MAML3: variants seen among roughly 807,000 people sequenced by gnomAD.
The protein encoded by MAML3 is mastermind like transcriptional coactivator 3.
A neutral mutation model predicts 101.9 loss-of-function variants in MAML3; 27 were observed. That is an observed-to-expected ratio of 0.27 (90% CI 0.20 to 0.37). MAML3 has a LOEUF of 0.37. Ranked by LOEUF, MAML3 falls within the 10% of genes least tolerant of loss-of-function variation. The pLI is 1.00. For synonymous variants in MAML3, 501 were observed against 555.9 expected, an observed-to-expected ratio of 0.90 and a Z score of 1.39; for missense variants, 1,316 against 1,444.9, an observed-to-expected ratio of 0.91 and a Z score of 1.45.
chr4:139,948,518 T>C (rs1733776918), intron 1 of MAML3, among the ~76,000 whole-genome samples: 1 of 152,242 alleles, frequency 6.6e-6, no homozygotes. Flanking sequence ...CACTATTAAC[T>C]ACAGTGCAGA....
At chr4:139,869,295 C>G (rs1731958529) in intron 2 of MAML3, among the ~76,000 whole-genome samples, 1 of 152,192 alleles carries the variant, frequency 6.6e-6, no homozygotes, top group Non-Finnish European at 1.5e-5. Context: ...CTCCAGTTGA[C>G]AAGCAAGCAA....
At chr4:139,730,355 G>A in intron 3 of MAML3, 61 bp downstream of exon 3, 11 of 1,436,420 alleles carry the variant, frequency 7.7e-6, no homozygotes, top group Non-Finnish European at 8.6e-6. Flanking sequence ...ACAGGCAGCA[G>A]GCAGGTGCTG....
At chr4:140,052,714 T>C (rs1334951587) in intron 1 of MAML3, among the ~76,000 whole-genome samples, 2 of 152,024 alleles carry the variant, frequency 1.3e-5, no homozygotes, top group Non-Finnish European at 2.9e-5. Context: ...TTTGTATTTT[T>C]AGTAGAGACA....
chr4:140,113,624 C>CG (rs1728473973), intron 1 of MAML3, among the ~76,000 whole-genome samples: 1 of 152,184 alleles, frequency 6.6e-6, no homozygotes. Flanking sequence ...TATCTTTCAA[C>CG]ATAAAACAGG....
intron 2 of MAML3, among the ~76,000 whole-genome samples, chr4:139,756,792 A>G (rs1185852451): frequency 6.6e-6 from 1 of 152,184 alleles, no homozygotes; most frequent in Non-Finnish European, 1.5e-5. Flanking sequence ...ATTTTCGAGA[A>G]CTAAAGTAAG....
intron 1 of MAML3, among the ~76,000 whole-genome samples, chr4:139,940,275 A>G (rs1178194538): frequency 6.6e-6 from 1 of 152,140 alleles, no homozygotes; most frequent in Non-Finnish European, 1.5e-5. Flanking sequence ...CAGTATTTAT[A>G]TTTATTATAC....
chr4:139,828,732 T>TTTAAAAAA (rs1553959123), intron 2 of MAML3, among the ~76,000 whole-genome samples: 1 of 144,448 alleles, frequency 6.9e-6, no homozygotes, highest in African/African-American at 2.6e-5. Context: ...TTTTTTTTTT[T>TTTAAAAAA]AAAAACATAG....
chr4:140,086,147 C>T (rs1424227654), intron 1 of MAML3, among the ~76,000 whole-genome samples: 1 of 152,192 alleles, frequency 6.6e-6, no homozygotes, highest in Non-Finnish European at 1.5e-5. Context: ...TCTCTCTGTA[C>T]ATATACATAA....
At position 139,943,929 on chromosome 4, in the gene MAML3, G is replaced by A. The variant is rs549532227; in HGVS notation, c.469-52962C>T. Among the ~76,000 whole-genome samples the A allele has an allele frequency of 5.5e-3, 725 of 132,968 alleles. 4 individuals are homozygous for A. Among genetic ancestry groups the A allele is most frequent in the Non-Finnish European group, 8.2e-3 (534 of 64,820 alleles). The allele number at this position is 132,968 out of a possible 152,430, so 87.2% of individuals were successfully genotyped here. A position where few individuals can be genotyped will look rare whatever the true frequency, so the allele number is the denominator to read the frequency against. On this transcript the variant is annotated intron_variant, in intron 1 of 4. Transcript: ENST00000509479. ...TCTGTCGCCCAGGCTGGAGTGCAGC[G>A]GTGCAATCTCAGCTCACTGCAACCT...
At chr4:139,770,892 G>A (rs1024746606) in intron 2 of MAML3, among the ~76,000 whole-genome samples, 3 of 152,194 alleles carry the variant, frequency 2.0e-5, no homozygotes, top group African/African-American at 7.2e-5. Flanking sequence ...AGGGAGAGGA[G>A]GGGGATATTG....
intron 2 of MAML3, among the ~76,000 whole-genome samples, chr4:139,878,904 A>G (rs755937167): frequency 6.6e-6 from 1 of 152,116 alleles, no homozygotes; most frequent in Non-Finnish European, 1.5e-5. Flanking sequence ...CTGTCTTTCT[A>G]TAGATCTTAA....
intron 1 of MAML3, among the ~76,000 whole-genome samples, chr4:139,959,220 G>A (rs1270548441): frequency 2.0e-5 from 3 of 152,174 alleles, no homozygotes; most frequent in East Asian, 3.8e-4. Context: ...TGTAAGTGGG[G>A]TAAAATCTCA....
intron 1 of MAML3, among the ~76,000 whole-genome samples, chr4:140,090,166 G>C (rs915290229): frequency 2.6e-5 from 4 of 152,220 alleles, no homozygotes; most frequent in African/African-American, 9.6e-5. Flanking sequence ...AATAATTTGC[G>C]GTGTGTTTTT....
At chr4:139,884,641 T>G (rs1732287480) in intron 2 of MAML3, among the ~76,000 whole-genome samples, 2 of 152,248 alleles carry the variant, frequency 1.3e-5, no homozygotes, top group Admixed American at 1.3e-4. Flanking sequence ...ACACAGGGAT[T>G]GTGGTTGCCT....
At chr4:140,110,949 G>GT (rs1658900871) in intron 1 of MAML3, among the ~76,000 whole-genome samples, 1 of 152,182 alleles carries the variant, frequency 6.6e-6, no homozygotes, top group African/African-American at 2.4e-5. Context: ...CAAGAGTGAT[G>GT]TAATTTTTTA....
At chr4:140,026,845 A>G (rs952405166) in intron 1 of MAML3, among the ~76,000 whole-genome samples, 3 of 152,170 alleles carry the variant, frequency 2.0e-5, no homozygotes, top group Non-Finnish European at 2.9e-5. Context: ...TGTTAAGTAC[A>G]GACAGTAAAG....
At chr4:139,951,161 C>T (rs936379700) in intron 1 of MAML3, among the ~76,000 whole-genome samples, 2 of 152,194 alleles carry the variant, frequency 1.3e-5, no homozygotes, top group African/African-American at 4.8e-5. Context: ...CTACCCAAAC[C>T]ACAAAGCCCT....
intron 2 of MAML3, among the ~76,000 whole-genome samples, chr4:139,796,109 A>T (rs1730507357): frequency 2.0e-5 from 3 of 152,190 alleles, no homozygotes; most frequent in Non-Finnish European, 4.4e-5. Flanking sequence ...TTTCTTCTAG[A>T]ATGCCATTTC....
intron 1 of MAML3, among the ~76,000 whole-genome samples, chr4:139,956,411 T>C (rs1733917565): frequency 6.6e-6 from 1 of 152,210 alleles, no homozygotes; most frequent in Non-Finnish European, 1.5e-5. Flanking sequence ...ATAAGGATCA[T>C]GTAAAATCAA....
Sources: allele counts gnomAD v4.1 joint callset (sites outside exome capture counted in the v4.1 genomes callset), GRCh38; gene constraint gnomAD v4.1.1; transcripts MANE v1.5; gene names NCBI Gene and HGNC (gene_info 2026-07-23, HGNC 2026-07-21).